Variants in ZNF415 observed in about 807,000 individuals in gnomAD.
ZNF415 encodes zinc finger protein 415.
Under a neutral mutation model 7.3 loss-of-function variants are expected in ZNF415, and 5 were observed. That is an observed-to-expected ratio of 0.69 (90% CI 0.36 to 1.44). The LOEUF (loss-of-function observed/expected upper bound fraction) is 1.44. Among genes scored for constraint, ZNF415 ranks in the 40% most tolerant of loss-of-function variants. The pLI is 0.04. For missense variants in ZNF415, 628 were observed against 664.8 expected (o/e 0.94, Z 0.61); for synonymous variants, 207 against 226.3 (o/e 0.91, Z 0.77).
intron 2 of ZNF415, among the ~76,000 whole-genome samples, chr19:53,117,467 T>A (rs1167827427): frequency 2.0e-5 from 3 of 149,070 alleles, no homozygotes; most frequent in Non-Finnish European, 4.5e-5. Context: ...AGAAAGAGAA[T>A]TCTAAAAAAA....
At chr19:53,119,563 A>T (rs2087655739) in intron 2 of ZNF415, among the ~76,000 whole-genome samples, 1 of 151,758 alleles carries the variant, frequency 6.6e-6, no homozygotes, top group African/African-American at 2.4e-5. Flanking sequence ...AATAACAAAG[A>T]TCAGAGCAGA....
At position 53,122,399 on chromosome 19, in the gene ZNF415, C is replaced by G. The variant is rs1275639276; in HGVS notation, c.15+263G>C. 2.0e-6 allele frequency: 3 copies of G among 1,536,796 alleles called. No individual in the cohort carries two copies. In the Admixed American group the frequency reaches 5.9e-5, roughly 30 times the overall value. On this transcript the variant is annotated intron_variant, in intron 2 of 3. Transcript: ENST00000243643. The stretch of plus-strand genomic sequence containing the variant: ...CCAACAGCACTGACACCACGGGACC[C>G]TCACCCCGTCTCCATCCATGTCTGG...
chr19:53,121,339 C>G (rs890242510), intron 2 of ZNF415, among the ~76,000 whole-genome samples: 1 of 147,782 alleles, frequency 6.8e-6, no homozygotes, highest in Non-Finnish European at 1.5e-5. Flanking sequence ...GAGCCAAGAT[C>G]GAGCCACTGC....
intron 1 of ZNF415, among the ~76,000 whole-genome samples, chr19:53,131,157 G>A (rs1179056997): frequency 7.2e-6 from 1 of 138,176 alleles, no homozygotes; most frequent in Non-Finnish European, 1.5e-5. Flanking sequence ...TTCTTCCAAT[G>A]TGGCCCAGGG....
At chr19:53,119,236 C>T (rs569384761) in intron 2 of ZNF415, among the ~76,000 whole-genome samples, 62 of 151,624 alleles carry the variant, frequency 4.1e-4, no homozygotes, top group South Asian at 2.3e-3. Flanking sequence ...GAGCCCAGAC[C>T]GAGCCACTGC....
chr19:53,108,851 G>A lies in ZNF415; in HGVS notation c.1194C>T (p.Ser398=), dbSNP rs757205999. ...TATGAATTCTCCAATGCCTTGCAAGGCTTGAAGTCTGACTGAAGACTTTAC... is the reference window on the plus strand; with the variant it reads ...TATGAATTCTCCAATGCCTTGCAAGACTTGAAGTCTGACTGAAGACTTTAC... ...ECGKVFSQTS[S]LARHWRIHTG... is the part of the protein sequence containing the mutation. Residue 398 remains serine (S), a synonymous_variant, in exon 4 of 4, where the codon AGC becomes AGT. Coordinates refer to ENST00000243643, the MANE Select transcript of ZNF415 (RefSeq NM_018355.4). The A allele has an allele frequency of 1.6e-5, 26 of 1,614,048 alleles. No homozygotes were observed. In the South Asian group the frequency reaches 2.6e-4, roughly 16 times the overall value.
At position 53,129,366 on chromosome 19, in the gene ZNF415, G is replaced by A. The variant is rs368895363; in HGVS notation, c.-68+3490C>T. Among the ~76,000 whole-genome samples the A allele has an allele frequency of 8.5e-5, 13 of 152,278 alleles. No homozygotes were observed. In the East Asian group the frequency reaches 1.5e-3, roughly 18 times the overall value. On this transcript the variant is annotated intron_variant, in intron 1 of 3. Transcript: ENST00000243643. ...TCCCTGCCAGGGACTGACGTGACCT[G>A]CTTTAGATTTCTCTGTGATGTCCTC...
In ZNF415 at chr19:53,109,186, G is replaced by T; in HGVS notation, c.859C>A (p.Leu287Ile). The T allele has an allele frequency of 6.2e-7, 1 of 1,614,030 alleles. No homozygotes were observed. The highest frequency in any genetic ancestry group is 8.5e-7 in the Non-Finnish European group (1 of 1,179,984). Residue 287 changes from leucine to isoleucine, a missense_variant, in exon 4 of 4, where the codon CTT becomes ATT. By Grantham distance (5) the Leu-to-Ile change is conservative (BLOSUM62 2). Transcript: ENST00000243643. ...CDRSFSRNSC[L>I]ALHRRVHTGE... is the part of the protein sequence containing the mutation. Reference sequence around the variant, plus strand: ...GTGTGAACTCTCCGATGTAGTGCAAGGCATGAGTTGCGACTGAAACTTCTG... The same window carrying T: ...GTGTGAACTCTCCGATGTAGTGCAATGCATGAGTTGCGACTGAAACTTCTG...
intron 2 of ZNF415, among the ~76,000 whole-genome samples, chr19:53,121,364 G>A (rs1328926191): frequency 6.9e-6 from 1 of 145,926 alleles, no homozygotes; most frequent in African/African-American, 2.6e-5. Flanking sequence ...CAGCATGGGC[G>A]ACAGACTGAG....
In ZNF415 at chr19:53,109,472, A is replaced by G. The variant is rs1360265265; in HGVS notation, c.573T>C (p.Asn191=). Residue 191 remains asparagine, a synonymous_variant, in exon 4 of 4, where the codon AAT becomes AAC. Coordinates refer to ENST00000243643, the MANE Select transcript of ZNF415 (RefSeq NM_018355.4). Reference sequence around the variant, plus strand: ...AACAGATGAAATCAGTCCCATATTTATTAGAAACATGGGTTTTGATGGTAG... The same window carrying G: ...AACAGATGAAATCAGTCCCATATTTGTTAGAAACATGGGTTTTGATGGTAG... The part of the protein sequence containing the change: ...ISSTIKTHVS[N]KYGTDFICSS... 1 of 1,614,086 alleles carries G rather than the reference A, an allele frequency of 6.2e-7. No individual in the cohort carries two copies. Among genetic ancestry groups the G allele is most frequent in the Non-Finnish European group, 8.5e-7 (1 of 1,179,958 alleles).
intron 2 of ZNF415, 76 bp downstream of exon 2, chr19:53,122,586 T>A: frequency 6.2e-7 from 1 of 1,609,104 alleles, no homozygotes; most frequent in Non-Finnish European, 8.5e-7. Context: ...CAGAGAAGAT[T>A]TGCAGCTCCA....
chr19:53,129,013 T>C (rs1227666670), intron 1 of ZNF415, among the ~76,000 whole-genome samples: 1 of 151,326 alleles, frequency 6.6e-6, no homozygotes, highest in Non-Finnish European at 1.5e-5. Context: ...AATAATGTGA[T>C]AGAGAGTGAC....
At chr19:53,117,700 A>G (rs1319406084) in intron 2 of ZNF415, among the ~76,000 whole-genome samples, 1 of 152,174 alleles carries the variant, frequency 6.6e-6, no homozygotes, top group East Asian at 1.9e-4. Flanking sequence ...GGAATTCTTC[A>G]CCACTAGACT....
chr19:53,112,547 G>A lies in ZNF415; in HGVS notation c.137-2639C>T, dbSNP rs118057089. On this transcript the variant is annotated intron_variant, in intron 3 of 3. Transcript: ENST00000243643. ...TAGGCAGATCCTGACTTATAAAGCG[G>A]TTGAGTAGTGTCTTGTCTTGCATAG... is the stretch of plus-strand genomic sequence containing the variant. Among the ~76,000 whole-genome samples, 51 of 152,292 alleles carry A rather than the reference G, an allele frequency of 3.3e-4. No homozygotes were observed. In the East Asian group the frequency reaches 9.1e-3, roughly 27 times the overall value.
Position 53,126,471 on chromosome 19 carries a change from C to T in ZNF415, c.-67-3728G>A, listed in dbSNP as rs541624507. On this transcript the variant is annotated intron_variant, in intron 1 of 3. Coordinates refer to ENST00000243643, the MANE Select transcript of ZNF415 (RefSeq NM_018355.4). ...GTTGGCTTGAATATTATTCACAGAC[C>T]CAGATCCTTGGGTCTTGCGTGGGGC... 2.1e-5 allele frequency among the ~76,000 whole-genome samples: 3 copies of T among 143,836 alleles called. No homozygotes were observed. In the East Asian group the frequency reaches 6.5e-4, roughly 31 times the overall value. 94.4% of individuals were successfully genotyped at this position (143,836 alleles called of 152,430 possible). A position where few individuals can be genotyped will look rare whatever the true frequency, so the allele number is the denominator to read the frequency against.
intron 1 of ZNF415, 79 bp from the exon 2 acceptor site, chr19:53,122,822 G>A (rs2088350644): frequency 8.7e-7 from 1 of 1,150,318 alleles, no homozygotes; most frequent in African/African-American, 1.5e-5. Context: ...CACATACACA[G>A]GGAGGAGCTC....
At chr19:53,123,471 C>T (rs752105721) in intron 1 of ZNF415, 2 of 398,680 alleles carry the variant, frequency 5.0e-6, no homozygotes, top group African/African-American at 2.1e-5. Context: ...ATATTGGAAC[C>T]GAGACCTGGG....
chr19:53,121,209 C>A (rs928753178), intron 2 of ZNF415, among the ~76,000 whole-genome samples: 2 of 150,388 alleles, frequency 1.3e-5, no homozygotes, highest in African/African-American at 4.9e-5. Context: ...GCCTGGCCAA[C>A]ATAGTGAAAC....
chr19:53,121,384 CA>C (rs773591699), intron 2 of ZNF415, among the ~76,000 whole-genome samples: 5,560 of 80,038 alleles, frequency 0.069, 135 homozygotes, highest in Admixed American at 0.13. Flanking sequence ...GACTCCGTCT[CA>C]AAAAAAAAAA....
Sources: allele counts gnomAD v4.1 joint callset (sites outside exome capture counted in the v4.1 genomes callset), GRCh38; gene constraint gnomAD v4.1.1; transcripts MANE v1.5; gene names NCBI Gene and HGNC (gene_info 2026-07-23, HGNC 2026-07-21).